The following EXD2 variants were observed in gnomAD, a reference collection of about 807,000 sequenced individuals.
EXD2 encodes exonuclease 3'-5' domain-containing protein 2.
Under a neutral mutation model 62.5 loss-of-function variants are expected in EXD2, and 40 were observed. The observed-to-expected ratio is 0.64, with a 90% confidence interval of 0.50 to 0.83. The LOEUF (loss-of-function observed/expected upper bound fraction) is 0.83, where lower values mean the gene tolerates loss of function less well. Among genes scored for constraint, EXD2 ranks in the 40% least tolerant of loss-of-function variants. EXD2 has a pLI of 0.00. For missense variants in EXD2, 671 were observed against 761.8 expected, an observed-to-expected ratio of 0.88 and a Z score of 1.40; for synonymous variants, 239 against 291.9, an observed-to-expected ratio of 0.82 and a Z score of 1.85.
chr14:69,207,933 T>C (rs1203652024), intron 2 of EXD2, among the ~76,000 whole-genome samples: 1 of 151,564 alleles, frequency 6.6e-6, no homozygotes, highest in Non-Finnish European at 1.5e-5. Context: ...AGTCTTACTC[T>C]TATCACCCAG....
rs545470755 is a variant in EXD2 at position 69,194,059 on chromosome 14, G to GT, written c.-132+2476dup. Among the ~76,000 whole-genome samples, 723 of 151,362 alleles carry GT rather than the reference G, an allele frequency of 4.8e-3. 1 individual carries two copies. Among genetic ancestry groups the GT allele is most frequent in the African/African-American group, 0.014 (597 of 41,220 alleles). On this transcript the variant is annotated intron_variant, in intron 1 of 9. Coordinates refer to ENST00000685843, the MANE Select transcript of EXD2 (RefSeq NM_001193360.2). ...CCTTGAAGTTCTTCTTGTGGGAATA[G>GT]TTTTTTTTCTTTAATTCCTCTGGAA...
rs542288914 is a variant in EXD2 at position 69,214,941 on chromosome 14, A to T, written c.333+5138A>T. ...TGTTCCATGGTATAAATATACCATG[A>T]CTTATTTTTCCATTCTATTATTGAT... On this transcript the variant is annotated intron_variant, in intron 3 of 9. Transcript: ENST00000685843. 4.4e-4 allele frequency among the ~76,000 whole-genome samples: 67 copies of T among 152,094 alleles called. 1 individual carries two copies. The highest frequency in any genetic ancestry group is 3.3e-4 in the Admixed American group (5 of 15,262).
At position 69,241,194 on chromosome 14, in the gene EXD2, G is replaced by T; in HGVS notation, c.*94G>T. ...TTTTAGTACATCATTAATTGTCAAA[G>T]CCTGTGTGACACAACTCAGAATACT... On this transcript the variant is annotated 3_prime_UTR_variant, in exon 10 of 10. Transcript: ENST00000685843. 2.0e-6 allele frequency: 2 copies of T among 1,015,712 alleles called. No individual in the cohort carries two copies. The highest frequency in any genetic ancestry group is 2.9e-6 in the Non-Finnish European group (2 of 692,196). 62.9% of individuals were successfully genotyped at this position (1,015,712 alleles called of 1,614,324 possible).
rs75676607 is a variant in EXD2 at position 69,241,750 on chromosome 14, T to C, written c.*650T>C. ...CTGCCACACACTTCCACCCTATCAC[T>C]GGGAGAAATCCTTTTCTGGACATGA... On this transcript the variant is annotated 3_prime_UTR_variant, in exon 10 of 10. Transcript: ENST00000685843. 2.0e-3 allele frequency: 782 copies of C among 397,940 alleles called. 2 individuals are homozygous for C. The highest frequency in any genetic ancestry group is 0.014 in the African/African-American group (706 of 48,706). 24.7% of individuals were successfully genotyped at this position (397,940 alleles called of 1,614,324 possible). A position where few individuals can be genotyped will look rare whatever the true frequency, so the allele number is the denominator to read the frequency against.
At chr14:69,197,316 G>A (rs1230665724) in intron 1 of EXD2, among the ~76,000 whole-genome samples, 1 of 151,668 alleles carries the variant, frequency 6.6e-6, no homozygotes, top group East Asian at 1.9e-4. Flanking sequence ...GGTGGTAAGA[G>A]ATTTTTGTGT....
chr14:69,198,808 T>C (rs889039375), intron 1 of EXD2, among the ~76,000 whole-genome samples: 1 of 152,252 alleles, frequency 6.6e-6, no homozygotes, highest in Non-Finnish European at 1.5e-5. Context: ...CTAGGCTGTA[T>C]GGTATAGCTT....
At chr14:69,211,616 C>A (rs1303234691) in intron 3 of EXD2, among the ~76,000 whole-genome samples, 1 of 151,788 alleles carries the variant, frequency 6.6e-6, no homozygotes, top group Admixed American at 6.6e-5. Context: ...GTCGTTTATA[C>A]CAATGACCTT....
chr14:69,215,265 G>T (rs2042949361), intron 3 of EXD2, among the ~76,000 whole-genome samples: 1 of 152,034 alleles, frequency 6.6e-6, no homozygotes, highest in Non-Finnish European at 1.5e-5. Flanking sequence ...ACTCCAGCCT[G>T]GGTGACACAG....
chr14:69,228,791 A>G, intron 3 of EXD2, 25 bp from the exon 4 acceptor site: 1 of 1,596,334 alleles, frequency 6.3e-7, no homozygotes, highest in Non-Finnish European at 8.5e-7. Flanking sequence ...GGTGTGAACC[A>G]CAACCTTGTC....
At chr14:69,220,976 C>T (rs1279974604) in intron 3 of EXD2, among the ~76,000 whole-genome samples, 3 of 152,202 alleles carry the variant, frequency 2.0e-5, no homozygotes, top group Non-Finnish European at 4.4e-5. Context: ...AAGCAATCCT[C>T]CCACCTCAGC....
intron 2 of EXD2, chr14:69,208,999 T>G (rs189795427): frequency 5.9e-5 from 9 of 152,474 alleles, no homozygotes; most frequent in East Asian, 3.9e-4. Flanking sequence ...CCTTCAACTG[T>G]TAGGTGATCA....
At chr14:69,238,598 A>G (rs1478070758) in intron 9 of EXD2, among the ~76,000 whole-genome samples, 1 of 145,918 alleles carries the variant, frequency 6.9e-6, no homozygotes, top group Non-Finnish European at 1.5e-5. Flanking sequence ...TAGTACAGAT[A>G]GTTTTTTTTT....
rs2043980573 is a variant in EXD2 at position 69,241,436 on chromosome 14, A to G, written c.*336A>G. The G allele has an allele frequency of 3.6e-6, 1 of 275,876 alleles. No individual in the cohort carries two copies. Among genetic ancestry groups the G allele is most frequent in the Non-Finnish European group, 6.8e-6 (1 of 147,088 alleles). The allele number at this position is 275,876 out of a possible 1,614,324, so 17.1% of individuals were successfully genotyped here. On this transcript the variant is annotated 3_prime_UTR_variant, in exon 10 of 10. Transcript: ENST00000685843. ...AAGTGACTTGTCAAGACTTAAAAAA[A>G]ATGTTTTTAATGCATTTCTTCCTTG...
chr14:69,219,123 A>G (rs973481618), intron 3 of EXD2, among the ~76,000 whole-genome samples: 1 of 152,190 alleles, frequency 6.6e-6, no homozygotes, highest in African/African-American at 2.4e-5. Context: ...CACGATATTG[A>G]TTCTTCCTAT....
At chr14:69,236,626 T>G in intron 8 of EXD2, 84 bp downstream of exon 8, 2 of 1,564,088 alleles carry the variant, frequency 1.3e-6, no homozygotes, top group Non-Finnish European at 1.8e-6. Flanking sequence ...TTGGGGGCTG[T>G]GGCTGAGTCT....
rs373398951 is a variant in EXD2 at position 69,229,067 on chromosome 14, G to A, written c.585G>A (p.Arg195=). The A allele has an allele frequency of 8.1e-6, 13 of 1,614,038 alleles. No homozygotes were observed. The African/African-American group carries it at 1.1e-4, about 13-fold the overall frequency. ...TGGACCTCCGATACCTAGCCATGCG[G>A]CAGAGGTGTGGTTTGTATGAATGCT... ...GCLDLRYLAM[R]QRNNLLCNGL... Residue 195 remains arginine (R), a synonymous_variant, in exon 4 of 10, where the codon CGG becomes CGA. Coordinates refer to ENST00000685843, the MANE Select transcript of EXD2 (RefSeq NM_001193360.2).
chr14:69,226,902 T>G (rs1446596864), intron 3 of EXD2, among the ~76,000 whole-genome samples: 3 of 152,180 alleles, frequency 2.0e-5, no homozygotes, highest in Non-Finnish European at 4.4e-5. Context: ...GAAACATTCC[T>G]TTGGCATTTA....
At chr14:69,219,594 A>G (rs2043101442) in intron 3 of EXD2, among the ~76,000 whole-genome samples, 1 of 152,178 alleles carries the variant, frequency 6.6e-6, no homozygotes, top group Non-Finnish European at 1.5e-5. Context: ...TAATGTATTT[A>G]TAGTTTTCTG....
chr14:69,237,835 A>T lies in EXD2; in HGVS notation c.1553A>T (p.Gln518Leu), dbSNP rs780087461. ...CTCAACGCGGAGAGCCTGCCTACTC[A>T]GCGAAAGGAGGAGCTGCTGCAAGCA... ...ALLNAESLPT[Q>L]RKEELLQALR... The change falls in exon 9 of 10, where the codon CAG becomes CTG. Residue 518 changes from glutamine to leucine, a missense_variant. Transcript: ENST00000685843. The T allele has an allele frequency of 1.2e-6, 2 of 1,613,346 alleles. No homozygotes were observed. The highest frequency in any genetic ancestry group is 1.7e-6 in the Non-Finnish European group (2 of 1,179,862).
Sources: gnomAD v4.1 joint callset for allele counts (sites outside exome capture counted in the v4.1 genomes callset) on GRCh38, gnomAD v4.1.1 for gene constraint, MANE v1.5 for transcripts, NCBI Gene and HGNC (gene_info 2026-07-23, HGNC 2026-07-21) for gene names.